The following YTHDF3 variants were observed in gnomAD, a reference collection of about 807,000 sequenced individuals.
YTHDF3 encodes YTH N6-methyladenosine RNA binding protein F3.
A neutral mutation model predicts 52.5 loss-of-function variants in YTHDF3; 9 were observed. The ratio of observed to expected loss-of-function variants is 0.17; its 90% CI spans 0.10 to 0.30. YTHDF3 has a LOEUF of 0.30. YTHDF3 is among the 10% of genes least tolerant of loss of function. The pLI is 1.00. For synonymous variants in YTHDF3, 274 were observed against 243.3 expected, an observed-to-expected ratio of 1.13 and a Z score of -1.18; for missense variants, 534 against 715.0, an observed-to-expected ratio of 0.75 and a Z score of 2.89.
At chr8:63,191,276 A>G (rs1012919154) in intron 4 of YTHDF3, among the ~76,000 whole-genome samples, 1 of 152,134 alleles carries the variant, frequency 6.6e-6, no homozygotes, top group Admixed American at 6.5e-5. Context: ...ATTAATGTCA[A>G]CAAATATGTT....
rs758787473 is a variant in YTHDF3 at position 63,193,374 on chromosome 8, CAAAAA to C, written c.1734+5647_1734+5651del. On this transcript the variant is annotated intron_variant, in intron 4 of 4. Transcript: ENST00000539294. ...CTGGGTGACAGAGCTAGACTCCGTC[CAAAAA>C]AAAAAAAAAAAAAAAAAGCAGCAGC... Among the ~76,000 whole-genome samples the C allele has an allele frequency of 6.1e-3, 332 of 54,112 alleles. 3 individuals are homozygous for C. The highest frequency in any genetic ancestry group is 0.011 in the Non-Finnish European group (283 of 24,748). The allele number at this position is 54,112 out of a possible 152,430, so 35.5% of individuals were successfully genotyped here.
chr8:63,181,532 A>C (rs945490966), intron 3 of YTHDF3, among the ~76,000 whole-genome samples: 15 of 152,118 alleles, frequency 9.9e-5, no homozygotes, highest in Admixed American at 7.9e-4. Context: ...TCACGATCTC[A>C]ATTTTTGTAT....
chr8:63,176,435 A>G (rs1245734954), intron 3 of YTHDF3, among the ~76,000 whole-genome samples: 1 of 150,240 alleles, frequency 6.7e-6, no homozygotes, highest in African/African-American at 2.4e-5. Context: ...GCCCGCCACC[A>G]TGCCCGGGTA....
At chr8:63,187,865 A>G (rs1007954054) in intron 4 of YTHDF3, 120 bp downstream of exon 4, 39 of 1,114,366 alleles carry the variant, frequency 3.5e-5, no homozygotes, top group African/African-American at 9.5e-5. Context: ...AAACAACTCT[A>G]CAAACACCCT....
In YTHDF3 at chr8:63,186,475, A is replaced by G; in HGVS notation, c.464A>G (p.Tyr155Cys). Reference sequence around the variant, plus strand: ...CAAAGTTCTGCTTATAGTAGCAGTTATGGCTATCCACCTAGTTCTCTTGGG... The same window carrying G: ...CAAAGTTCTGCTTATAGTAGCAGTTGTGGCTATCCACCTAGTTCTCTTGGG... Reference protein sequence around the residue: ...STQSSAYSSSYGYPPSSLGRA... With the variant: ...STQSSAYSSSCGYPPSSLGRA... The change falls in exon 4 of 5, where the codon TAT (tyrosine) becomes TGT (cysteine). Residue 155 changes from tyrosine (Y) to cysteine (C), a missense_variant. Coordinates refer to ENST00000539294, the MANE Select transcript of YTHDF3 (RefSeq NM_152758.6). 1 of 1,614,056 alleles carries G rather than the reference A, an allele frequency of 6.2e-7. No individual in the cohort carries two copies. The highest frequency in any genetic ancestry group is 8.5e-7 in the Non-Finnish European group (1 of 1,179,906).
chr8:63,183,834 G>C (rs1336107473), intron 3 of YTHDF3, among the ~76,000 whole-genome samples: 2 of 152,190 alleles, frequency 1.3e-5, no homozygotes, highest in Non-Finnish European at 2.9e-5. Flanking sequence ...GTATCTGTGG[G>C]AGATTGATTC....
chr8:63,195,793 CGT>C (rs140287696), intron 4 of YTHDF3, among the ~76,000 whole-genome samples: 4 of 146,232 alleles, frequency 2.7e-5, no homozygotes, highest in Non-Finnish European at 6.1e-5. Context: ...CCTGTATTTA[CGT>C]GTGTGTGTGT....
At chr8:63,169,170 A>G (rs1807102307) in intron 1 of YTHDF3, 1 of 1,399,362 alleles carries the variant, frequency 7.1e-7, no homozygotes, top group African/African-American at 1.5e-5. Flanking sequence ...CATGGGGCGG[A>G]GACCGGGCGA....
rs181860104 is a variant in YTHDF3, at chr8:63,205,760, C to T, written c.1735-3923C>T. ...CTCATCATTTCTTAGTCTCACACTT[C>T]TAGTGGTCTGTAGCTGATAGTATGC... On this transcript the variant is annotated intron_variant, in intron 4 of 4. Coordinates refer to ENST00000539294, the MANE Select transcript of YTHDF3 (RefSeq NM_152758.6). Among the ~76,000 whole-genome samples, 663 of 152,236 alleles carry T rather than the reference C, an allele frequency of 4.4e-3. 5 individuals are homozygous for T. The highest frequency in any genetic ancestry group is 0.015 in the African/African-American group (641 of 41,534).
At position 63,211,979 on chromosome 8, in the gene YTHDF3, T is replaced by C. The variant is rs1810392946; in HGVS notation, c.*2273T>C. The C allele has an allele frequency of 6.6e-6, 1 of 152,606 alleles. No homozygotes were observed. Among genetic ancestry groups the C allele is most frequent in the South Asian group, 2.1e-4 (1 of 4,836 alleles). The allele number at this position is 152,606 out of a possible 1,614,324, so 9.5% of individuals were successfully genotyped here. Reference sequence around the variant, plus strand: ...ATTATATTGCAAAATATTTTTCCTCTGAATGAAATTATCACAGGTTGTCTC... The same window carrying C: ...ATTATATTGCAAAATATTTTTCCTCCGAATGAAATTATCACAGGTTGTCTC... On this transcript the variant is annotated 3_prime_UTR_variant, in exon 5 of 5. Transcript: ENST00000539294.
intron 4 of YTHDF3, among the ~76,000 whole-genome samples, chr8:63,194,302 G>C (rs1809099192): frequency 6.6e-6 from 1 of 151,790 alleles, no homozygotes; most frequent in South Asian, 2.1e-4. Context: ...TGGCTAACAT[G>C]TTGAAACCCC....
intron 4 of YTHDF3, among the ~76,000 whole-genome samples, chr8:63,194,724 A>G (rs1303174112): frequency 6.6e-6 from 1 of 152,118 alleles, no homozygotes; most frequent in East Asian, 1.9e-4. Flanking sequence ...GATCCATGGA[A>G]TTGCTTATTG....
Position 63,168,888 on chromosome 8 carries a change from C to G in YTHDF3, c.11C>G (p.Thr4Ser). The G allele has an allele frequency of 1.3e-6, 2 of 1,554,184 alleles. No homozygotes were observed. The highest frequency in any genetic ancestry group is 2.7e-5 in the African/African-American group (2 of 73,246). MSATSVDQRPKGQG... is the reference protein window; with the variant it reads MSASSVDQRPKGQG... Reference sequence around the variant, plus strand: ...GGGTTGCGGTGAAGAATGTCAGCCACTAGCGTGGATCAGGTGAGGGAGCAG... The same window carrying G: ...GGGTTGCGGTGAAGAATGTCAGCCAGTAGCGTGGATCAGGTGAGGGAGCAG... The change falls in exon 1 of 5, where the codon ACT becomes AGT. Residue 4 changes from threonine to serine, a missense_variant. Thr to Ser is a moderately conservative substitution (Grantham distance 58, BLOSUM62 1). Transcript: ENST00000539294.
intron 1 of YTHDF3, 120 bp from the exon 2 acceptor site, chr8:63,169,267 G>A: frequency 1.5e-6 from 2 of 1,374,550 alleles, no homozygotes. Flanking sequence ...GGATATGGTG[G>A]GTTTTTACTC....
intron 4 of YTHDF3, among the ~76,000 whole-genome samples, chr8:63,208,855 T>G (rs1233145153): frequency 6.6e-6 from 1 of 151,676 alleles, no homozygotes; most frequent in Non-Finnish European, 1.5e-5. Context: ...AACACTCATC[T>G]TTTTTGTTGT....
At chr8:63,189,151 G>C (rs956084135) in intron 4 of YTHDF3, 5 of 152,106 alleles carry the variant, frequency 3.3e-5, no homozygotes, top group African/African-American at 1.2e-4. Flanking sequence ...AGACATTCCT[G>C]AAATAAAACA....
At chr8:63,199,242 A>T (rs1809440594) in intron 4 of YTHDF3, among the ~76,000 whole-genome samples, 1 of 152,130 alleles carries the variant, frequency 6.6e-6, no homozygotes, top group Admixed American at 6.6e-5. Context: ...TATAATTGTG[A>T]GGTGATTAAA....
At chr8:63,198,848 A>G (rs1172443278) in intron 4 of YTHDF3, among the ~76,000 whole-genome samples, 1 of 152,198 alleles carries the variant, frequency 6.6e-6, no homozygotes, top group African/African-American at 2.4e-5. Flanking sequence ...ATTAACAGAA[A>G]CAAATTTAAT....
intron 3 of YTHDF3, among the ~76,000 whole-genome samples, chr8:63,180,044 C>G (rs1470913563): frequency 6.6e-6 from 1 of 151,214 alleles, no homozygotes; most frequent in African/African-American, 2.4e-5. Flanking sequence ...ATCTCCCTCC[C>G]GGACGGGGCG....
Sources: gnomAD v4.1 joint callset for allele counts (sites outside exome capture counted in the v4.1 genomes callset) on GRCh38, gnomAD v4.1.1 for gene constraint, MANE v1.5 for transcripts, NCBI Gene and HGNC (gene_info 2026-07-23, HGNC 2026-07-21) for gene names.